Variants in PCM1 observed in about 807,000 individuals in gnomAD.
The protein encoded by PCM1 is pericentriolar material 1.
A neutral mutation model predicts 241.9 loss-of-function variants in PCM1; 157 were observed. The observed-to-expected ratio is 0.65, with a 90% CI of 0.57 to 0.74. The LOEUF (loss-of-function observed/expected upper bound fraction) is 0.74, where lower values mean the gene tolerates loss of function less well. Ranked by LOEUF, PCM1 falls within the 30% of genes least tolerant of loss-of-function variation. The pLI is 0.00. For synonymous variants in PCM1, 1,085 were observed against 784.9 expected (o/e 1.38, Z -6.39); for missense variants, 3,478 against 2,360.1 (o/e 1.47, Z -9.81).
rs187337609 is a variant in PCM1, at chr8:18,003,472, G to T, written c.4828-2791G>T. Among the ~76,000 whole-genome samples the T allele has an allele frequency of 4.0e-4, 61 of 152,230 alleles. 2 individuals carry two copies. In the East Asian group the frequency reaches 0.011, roughly 27 times the overall value. On this transcript the variant is annotated intron_variant, in intron 29 of 38. Coordinates refer to ENST00000325083, the MANE Select transcript of PCM1 (RefSeq NM_006197.4). The stretch of plus-strand genomic sequence containing the variant: ...TAGAATGACCTTCTCCTCTTTCTCT[G>T]TCAGTTTCTCCTGTTTTTCAGGAGC...
rs750209831 is a variant in PCM1 at position 17,947,326 on chromosome 8, T to G, written c.924T>G (p.His308Gln). Residue 308 changes from histidine (H) to glutamine (Q), a missense_variant, in exon 7 of 39, where the codon CAT (histidine) becomes CAG (glutamine). Transcript: ENST00000325083. ...GRQAALLALQ[H>Q]KAEQAIAVMD... The stretch of plus-strand genomic sequence containing the variant: ...AGGCTGCACTTCTAGCTCTGCAACA[T>G]AAAGCAGAGCAAGCTATTGCAGTGA... 1.9e-6 allele frequency: 3 copies of G among 1,610,808 alleles called. No individual in the cohort carries two copies. The highest frequency in any genetic ancestry group is 2.5e-6 in the Non-Finnish European group (3 of 1,178,612).
intron 1 of PCM1, among the ~76,000 whole-genome samples, chr8:17,923,690 G>T (rs556530443): frequency 6.6e-6 from 1 of 152,288 alleles, no homozygotes; most frequent in Admixed American, 6.5e-5. Context: ...ACTCTGAAGA[G>T]TTGCAGTTGG....
chr8:17,952,023 G>A (rs567647642), intron 8 of PCM1, among the ~76,000 whole-genome samples: 1 of 152,204 alleles, frequency 6.6e-6, no homozygotes, highest in Admixed American at 6.5e-5. Context: ...AGGTGTTTGA[G>A]ACCAGCCTGG....
chr8:17,972,275 G>T (rs1225175321), intron 22 of PCM1, 54 bp from the exon 23 acceptor site: 6 of 981,718 alleles, frequency 6.1e-6, no homozygotes, highest in South Asian at 2.3e-5. Context: ...AGTGTATTTG[G>T]AGTTTTTGTA....
chr8:17,993,685 C>G (rs2085586724), intron 29 of PCM1, 66 bp downstream of exon 29: 1 of 1,363,548 alleles, frequency 7.3e-7, no homozygotes, highest in Non-Finnish European at 1.0e-6. Context: ...ATACAGAAGA[C>G]CTTATTGTGA....
chr8:18,009,844 G>A, intron 31 of PCM1, 100 bp downstream of exon 31: 1 of 680,134 alleles, frequency 1.5e-6, no homozygotes, highest in Non-Finnish European at 2.2e-6. Context: ...AGCAAAAGTA[G>A]TTGTTTTTAG....
chr8:18,018,592 C>A (rs1199285825), intron 36 of PCM1, among the ~76,000 whole-genome samples: 3 of 151,926 alleles, frequency 2.0e-5, no homozygotes, highest in Non-Finnish European at 4.4e-5. Flanking sequence ...GCGGGCGGAT[C>A]AGGAGGTCAA....
Position 17,953,237 on chromosome 8 carries a change from T to C in PCM1, c.1288+51T>C, listed in dbSNP as rs879113125. ...TGGGTATAAGACACACAAGTATATA[T>C]ACTGTCACATAATAAATTTAGTATT... On this transcript the variant is annotated intron_variant, in intron 9 of 38. Coordinates refer to ENST00000325083, the MANE Select transcript of PCM1 (RefSeq NM_006197.4). The C allele has an allele frequency of 3.6e-6, 3 of 834,112 alleles. No homozygotes were observed. The South Asian group carries it at 6.3e-5, about 17-fold the overall frequency. The allele number at this position is 834,112 out of a possible 1,614,324, so 51.7% of individuals were successfully genotyped here. A position where few individuals can be genotyped will look rare whatever the true frequency, so the allele number is the denominator to read the frequency against.
chr8:17,966,894 AT>A (rs2075088056), intron 20 of PCM1, 85 bp from the exon 21 acceptor site: 8 of 1,268,716 alleles, frequency 6.3e-6, no homozygotes, highest in Admixed American at 5.3e-5. Flanking sequence ...CTTTTGAATC[AT>A]TTTTTTACAT....
chr8:17,970,715 A>AGAATGT (rs1340178616), intron 22 of PCM1, among the ~76,000 whole-genome samples: 1 of 152,204 alleles, frequency 6.6e-6, no homozygotes, highest in Non-Finnish European at 1.5e-5. Context: ...CTTTCCTATT[A>AGAATGT]GAATGTCCCT....
At chr8:17,953,701 T>C (rs2066926789) in intron 9 of PCM1, among the ~76,000 whole-genome samples, 1 of 152,218 alleles carries the variant, frequency 6.6e-6, no homozygotes, top group Non-Finnish European at 1.5e-5. Context: ...TAAATAATCA[T>C]CTCAAGCAGG....
intron 2 of PCM1, 122 bp from the exon 3 acceptor site, chr8:17,935,467 G>C (rs2060148162): frequency 1.7e-6 from 1 of 590,380 alleles, no homozygotes; most frequent in Non-Finnish European, 3.1e-6. Context: ...GGTTGACAGT[G>C]CCTCATTTTA....
intron 36 of PCM1, among the ~76,000 whole-genome samples, chr8:18,018,885 C>CATAT (rs1369217042): frequency 2.6e-4 from 14 of 54,356 alleles, no homozygotes; most frequent in South Asian, 9.6e-4. Context: ...TATATACACA[C>CATAT]ACATATACAT....
At chr8:18,025,932 A>G (rs1482809329) in intron 38 of PCM1, among the ~76,000 whole-genome samples, 3 of 152,162 alleles carry the variant, frequency 2.0e-5, no homozygotes, top group East Asian at 2.0e-4. Context: ...TGGGAGGCCA[A>G]GGCGGGTGGA....
intron 2 of PCM1, chr8:17,927,118 A>C (rs2057285210): frequency 6.8e-6 from 1 of 146,810 alleles, no homozygotes; most frequent in Admixed American, 6.7e-5. Context: ...GTTACTGATC[A>C]CTTTGATTTT....
At chr8:17,940,156 A>G (rs756055698) in intron 6 of PCM1, 8 of 1,498,316 alleles carry the variant, frequency 5.3e-6, no homozygotes, top group African/African-American at 4.1e-5. Flanking sequence ...TTCAGATACC[A>G]CGGTAAGCGG....
At chr8:17,959,651 C>T (rs1273998357) in intron 13 of PCM1, among the ~76,000 whole-genome samples, 1 of 151,908 alleles carries the variant, frequency 6.6e-6, no homozygotes, top group Non-Finnish European at 1.5e-5. Flanking sequence ...GATATGTATT[C>T]ATATTTTTCT....
At chr8:17,949,196 C>G (rs2065058175) in intron 7 of PCM1, among the ~76,000 whole-genome samples, 1 of 151,870 alleles carries the variant, frequency 6.6e-6, no homozygotes, top group African/African-American at 2.4e-5. Flanking sequence ...CAAATTTAGT[C>G]TTGTATTTAT....
chr8:17,997,133 G>A (rs1479866630), intron 29 of PCM1, among the ~76,000 whole-genome samples: 1 of 151,618 alleles, frequency 6.6e-6, no homozygotes, highest in African/African-American at 2.4e-5. Flanking sequence ...TTTCTCCTTC[G>A]TGTTTGAAGG....
Sources: gnomAD v4.1 joint callset for allele counts (sites outside exome capture counted in the v4.1 genomes callset) on GRCh38, gnomAD v4.1.1 for gene constraint, MANE v1.5 for transcripts, NCBI Gene and HGNC (gene_info 2026-07-23, HGNC 2026-07-21) for gene names.